LDLRAD4: variants seen among roughly 807,000 people sequenced by gnomAD.
LDLRAD4 encodes low-density lipoprotein receptor class A domain-containing protein 4.
LDLRAD4 carries 5 observed loss-of-function variants against 17.0 expected under a neutral mutation model. The ratio of observed to expected loss-of-function variants is 0.29; its 90% CI spans 0.15 to 0.62. The LOEUF (loss-of-function observed/expected upper bound fraction) is 0.62, where lower values mean the gene tolerates loss of function less well. Ranked by LOEUF, LDLRAD4 falls within the 20% of genes least tolerant of loss-of-function variation. The probability of loss-of-function intolerance (pLI) is 0.84; values close to 1 mark genes in which losing one functional copy is unlikely to be tolerated. For missense variants in LDLRAD4, 340 were observed against 424.7 expected (o/e 0.80, Z 1.75); for synonymous variants, 168 against 171.8 (o/e 0.98, Z 0.17).
chr18:13,395,911 A>G (rs981833824), intron 2 of LDLRAD4, among the ~76,000 whole-genome samples: 2 of 152,090 alleles, frequency 1.3e-5, no homozygotes, highest in Non-Finnish European at 2.9e-5. Context: ...CAGCCCTGCC[A>G]CCTGCCTGTG....
chr18:13,649,814 C>T, exon 6 of LDLRAD4: 1 of 388,436 alleles, frequency 2.6e-6, no homozygotes. Flanking sequence ...TGATTAAAGC[C>T]AGTGCTTGGA....
intron 1 of LDLRAD4, among the ~76,000 whole-genome samples, chr18:13,250,673 A>T (rs1236038546): frequency 6.6e-6 from 1 of 152,194 alleles, no homozygotes; most frequent in Non-Finnish European, 1.5e-5. Context: ...GCCTACCAAG[A>T]TTGAGCCAAG....
intron 3 of LDLRAD4, among the ~76,000 whole-genome samples, chr18:13,585,909 C>A (rs1217875620): frequency 6.6e-6 from 1 of 152,192 alleles, no homozygotes; most frequent in East Asian, 1.9e-4. Flanking sequence ...TGCAAACTTA[C>A]TTCCTCTTAA....
intron 1 of LDLRAD4, among the ~76,000 whole-genome samples, chr18:13,243,311 T>C (rs2042761536): frequency 6.6e-6 from 1 of 152,060 alleles, no homozygotes; most frequent in African/African-American, 2.4e-5. Flanking sequence ...TTCTGTAGAG[T>C]GGACACTGGA....
At chr18:13,316,546 C>T (rs972895322) in intron 1 of LDLRAD4, among the ~76,000 whole-genome samples, 6 of 152,150 alleles carry the variant, frequency 3.9e-5, no homozygotes, top group East Asian at 3.8e-4. Context: ...AGCAAAGCCA[C>T]GGGTGGTTCT....
intron 3 of LDLRAD4, among the ~76,000 whole-genome samples, chr18:13,479,874 G>A (rs2093040110): frequency 6.6e-6 from 1 of 152,168 alleles, no homozygotes; most frequent in Admixed American, 6.5e-5. Context: ...ATTAAATAAT[G>A]AGATCCCACT....
intron 1 of LDLRAD4, among the ~76,000 whole-genome samples, chr18:13,355,562 G>C (rs757876587): frequency 2.6e-5 from 4 of 152,208 alleles, no homozygotes; most frequent in Non-Finnish European, 5.9e-5. Flanking sequence ...GACCTATGCT[G>C]TCTGTCAATA....
intron 3 of LDLRAD4, chr18:13,612,631 C>T (rs1005682574): frequency 7.5e-6 from 12 of 1,609,010 alleles, no homozygotes; most frequent in Admixed American, 3.4e-5. Flanking sequence ...AGGAGATTGC[C>T]GGAAGCTGAA....
intron 1 of LDLRAD4, among the ~76,000 whole-genome samples, chr18:13,365,878 A>T (rs535748603): frequency 1.3e-5 from 2 of 152,172 alleles, no homozygotes; most frequent in South Asian, 4.2e-4. Context: ...GGTTCAAGTG[A>T]TTCTCCTGCC....
At chr18:13,596,686 G>A (rs763506255) in intron 3 of LDLRAD4, among the ~76,000 whole-genome samples, 1 of 152,054 alleles carries the variant, frequency 6.6e-6, no homozygotes, top group African/African-American at 2.4e-5. Context: ...TAAATAATTT[G>A]AAAGAAGAGA....
chr18:13,276,432 T>A (rs569650315), upstream of LDLRAD4, among the ~76,000 whole-genome samples: 1 of 152,246 alleles, frequency 6.6e-6, no homozygotes, highest in African/African-American at 2.4e-5. Flanking sequence ...AGGCATGGCT[T>A]AGTTGGTTCT....
intron 1 of LDLRAD4, among the ~76,000 whole-genome samples, chr18:13,243,541 T>C: frequency 6.9e-6 from 1 of 144,794 alleles, no homozygotes; most frequent in Non-Finnish European, 1.5e-5. Context: ...ATCCATCCAC[T>C]CATTCATCTG....
chr18:13,495,902 C>A (rs2093459344), intron 3 of LDLRAD4, among the ~76,000 whole-genome samples: 1 of 152,224 alleles, frequency 6.6e-6, no homozygotes, highest in African/African-American at 2.4e-5. Flanking sequence ...CGGGTCGCCT[C>A]GGCCTCCAGC....
intron 1 of LDLRAD4, among the ~76,000 whole-genome samples, chr18:13,278,983 T>A (rs7233944): frequency 6.6e-6 from 1 of 152,240 alleles, no homozygotes; most frequent in Non-Finnish European, 1.5e-5. Flanking sequence ...GCTTCCTTGC[T>A]GAGGCACACA....
In LDLRAD4 at chr18:13,645,051, C is replaced by T; in HGVS notation, c.391-76C>T. The T allele has an allele frequency of 7.9e-7, 1 of 1,270,552 alleles. No homozygotes were observed. Among genetic ancestry groups the T allele is most frequent in the Non-Finnish European group, 1.1e-6 (1 of 916,190 alleles). 78.7% of individuals were successfully genotyped at this position (1,270,552 alleles called of 1,614,324 possible). On this transcript the variant is annotated intron_variant, in intron 5 of 5. Transcript: ENST00000359446. The surrounding 1 kb of genome is among the most constrained non-coding windows in gnomAD (Gnocchi z 5.7). The stretch of plus-strand genomic sequence containing the variant: ...TGGTAGGAACACACACCAAGCGTAA[C>T]TTTCCTTGATTCTGACACATTTATG...
intron 4 of LDLRAD4, among the ~76,000 whole-genome samples, chr18:13,632,411 G>A (rs1260327675): frequency 6.6e-6 from 1 of 152,270 alleles, no homozygotes; most frequent in Non-Finnish European, 1.5e-5. Context: ...CTGCAGCAGG[G>A]CAGGCAGCTC....
chr18:13,396,853 C>T (rs185582468), intron 2 of LDLRAD4, among the ~76,000 whole-genome samples: 2 of 152,260 alleles, frequency 1.3e-5, no homozygotes, highest in East Asian at 1.9e-4. Flanking sequence ...GTTGAATCTG[C>T]AAATGTAGAA....
chr18:13,272,565 T>C (rs2044625617), intron 1 of LDLRAD4, among the ~76,000 whole-genome samples: 1 of 152,274 alleles, frequency 6.6e-6, no homozygotes, highest in East Asian at 1.9e-4. Context: ...GCCGCGTTAG[T>C]GTCCCTGGGT....
upstream of LDLRAD4, among the ~76,000 whole-genome samples, chr18:13,277,514 G>A (rs2044959218): frequency 6.6e-6 from 1 of 152,236 alleles, no homozygotes; most frequent in African/African-American, 2.4e-5. Context: ...CCAGCTGGGA[G>A]GACACTCTCC....
Sources: gnomAD v4.1 joint callset for allele counts (sites outside exome capture counted in the v4.1 genomes callset) on GRCh38, gnomAD v4.1.1 for gene constraint, Gnocchi (gnomAD v3.1) non-coding constraint, MANE v1.5 for transcripts, NCBI Gene and HGNC (gene_info 2026-07-23, HGNC 2026-07-21) for gene names.